Variants in TCF20 observed in about 807,000 individuals in gnomAD.
TCF20 encodes the protein transcription factor 20.
A neutral mutation model predicts 148.6 loss-of-function variants in TCF20; 3 were observed. That is an observed-to-expected ratio of 0.02 (90% CI 0.01 to 0.05). TCF20 has a LOEUF of 0.05. Ranked by LOEUF, TCF20 falls within the 10% of genes least tolerant of loss-of-function variation. The pLI is 1.00. For missense variants in TCF20, 2,350 were observed against 2,429.3 expected (o/e 0.97, Z 0.69); for synonymous variants, 1,049 against 909.5 (o/e 1.15, Z -2.76).
intron 5 of TCF20, among the ~76,000 whole-genome samples, chr22:42,163,762 A>G (rs1410793904): frequency 1.3e-5 from 2 of 152,158 alleles, no homozygotes; most frequent in Non-Finnish European, 2.9e-5. Context: ...GAGCAGCAGG[A>G]GCGACCTGCC....
chr22:42,340,857 A>G (rs1020290319), intron 1 of TCF20, among the ~76,000 whole-genome samples: 4 of 145,620 alleles, frequency 2.7e-5, no homozygotes, highest in African/African-American at 2.5e-5. Context: ...GGGAGGGGAA[A>G]GGGGAGGGGA....
chr22:42,316,007 C>T (rs541429300), intron 1 of TCF20, among the ~76,000 whole-genome samples: 7 of 147,828 alleles, frequency 4.7e-5, no homozygotes, highest in South Asian at 4.4e-4. Flanking sequence ...CCAGGTTACT[C>T]GTTGTCAGGA....
chr22:42,200,731 C>T (rs1164002979), intron 2 of TCF20, among the ~76,000 whole-genome samples: 1 of 151,992 alleles, frequency 6.6e-6, no homozygotes, highest in African/African-American at 2.4e-5. Context: ...GTTTCTACCA[C>T]ATACTCGGTC....
At position 42,161,184 on chromosome 22, in the gene TCF20, GTCTT is replaced by G. The variant is rs537288535; in HGVS notation, c.*215_*218del. On this transcript the variant is annotated 3_prime_UTR_variant, in exon 6 of 6. Transcript: ENST00000677622. ...GGAAACAGCCATTCCAACGTCTTGGGTCTTTCTTTCCTGTGGTGTCACTGGTTTG... is the reference window on the plus strand; with the variant it reads ...GGAAACAGCCATTCCAACGTCTTGGGTCTTTCCTGTGGTGTCACTGGTTTG... 1,158 of 808,140 alleles carry G rather than the reference GTCTT, an allele frequency of 1.4e-3. 1 individual carries two copies. Among genetic ancestry groups the G allele is most frequent in the Non-Finnish European group, 2.0e-3 (1,048 of 516,556 alleles). The allele number at this position is 808,140 out of a possible 1,614,324, so 50.1% of individuals were successfully genotyped here. A position where few individuals can be genotyped will look rare whatever the true frequency, so the allele number is the denominator to read the frequency against.
upstream of TCF20, among the ~76,000 whole-genome samples, chr22:42,271,670 G>T (rs565486425): frequency 1.3e-5 from 2 of 152,310 alleles, no homozygotes; most frequent in South Asian, 4.1e-4. Context: ...TGGGTGAGGA[G>T]AGTTTGGATT....
chr22:42,304,440 C>T (rs1410212921), intron 1 of TCF20, among the ~76,000 whole-genome samples: 2 of 152,180 alleles, frequency 1.3e-5, no homozygotes, highest in African/African-American at 2.4e-5. Context: ...GCCAGCCCCA[C>T]ATCCCCCAGC....
chr22:42,334,218 A>C (rs568811561), intron 1 of TCF20, among the ~76,000 whole-genome samples: 1 of 152,106 alleles, frequency 6.6e-6, no homozygotes, highest in African/African-American at 2.4e-5. Flanking sequence ...AGCTGTCCTC[A>C]CGGCCCTTTA....
intron 1 of TCF20, among the ~76,000 whole-genome samples, chr22:42,334,592 C>A (rs1928033894): frequency 6.6e-6 from 1 of 152,276 alleles, no homozygotes; most frequent in Non-Finnish European, 1.5e-5. Context: ...ACCGCTCCAG[C>A]CCTTACACAC....
Position 42,209,983 on chromosome 22 carries a change from T to G in TCF20, c.5323A>C (p.Lys1775Gln), listed in dbSNP as rs768655264. Residue 1775 changes from lysine to glutamine, a missense_variant, in exon 2 of 6, where the codon AAG becomes CAG. By Grantham distance (53) the Lys-to-Gln change is moderately conservative. Transcript: ENST00000677622. The stretch of plus-strand genomic sequence containing the variant: ...TGTGCGGCCAGGCTTCTCTGCTCCT[T>G]CTGCTGCTGCTGCTGCTCTTCCTCC... ...EEEEEQQQQQ[K>Q]EQRSLAAHPR... The G allele has an allele frequency of 1.2e-6, 2 of 1,613,418 alleles. No individual in the cohort carries two copies. The highest frequency in any genetic ancestry group is 2.2e-5 in the East Asian group (1 of 44,880).
chr22:42,298,569 C>G (rs563208424), intron 1 of TCF20, among the ~76,000 whole-genome samples: 1 of 152,168 alleles, frequency 6.6e-6, no homozygotes, highest in Non-Finnish European at 1.5e-5. Flanking sequence ...TGTCAAGTCT[C>G]GGCACTTCCC....
At chr22:42,242,119 C>T (rs1463623690) in intron 1 of TCF20, among the ~76,000 whole-genome samples, 1 of 146,956 alleles carries the variant, frequency 6.8e-6, no homozygotes, top group Non-Finnish European at 1.5e-5. Context: ...AGAAGAATCA[C>T]TTGAACCCAG....
Position 42,209,761 on chromosome 22 carries a change from T to C in TCF20, c.5545A>G (p.Ser1849Gly). The C allele has an allele frequency of 6.2e-7, 1 of 1,614,188 alleles. No homozygotes were observed. The highest frequency in any genetic ancestry group is 8.5e-7 in the Non-Finnish European group (1 of 1,180,032). Reference protein sequence around the residue: ...ELQIPELPLDSNEFWVHEGCI... With the variant: ...ELQIPELPLDGNEFWVHEGCI... ...CCCTCATGGACCCAAAATTCATTGC[T>C]GTCAAGAGGTAGTTCAGGGATTTGT... Residue 1849 changes from serine to glycine, a missense_variant, in exon 2 of 6, where the codon AGC becomes GGC. By Grantham distance (56) the Ser-to-Gly change is moderately conservative (BLOSUM62 0). Transcript: ENST00000677622.
chr22:42,212,716 T>G lies in TCF20; in HGVS notation c.2590A>C (p.Arg864=), dbSNP rs372103554. 2 of 1,614,124 alleles carry G rather than the reference T, an allele frequency of 1.2e-6. No homozygotes were observed. Among genetic ancestry groups the G allele is most frequent in the African/African-American group, 2.7e-5 (2 of 74,938 alleles). ...HEPGGSLSER[R]SVICDISPLR... Reference sequence around the variant, plus strand: ...GGAGAAATATCACAGATCACTGATCTTCTTTCAGAGAGGGAACCCCCAGGC... The same window carrying G: ...GGAGAAATATCACAGATCACTGATCGTCTTTCAGAGAGGGAACCCCCAGGC... The change falls in exon 2 of 6, where the codon AGA becomes CGA. Residue 864 remains arginine, a synonymous_variant. Transcript: ENST00000677622.
At chr22:42,190,795 T>TGAC (rs879151473) in intron 2 of TCF20, among the ~76,000 whole-genome samples, 1 of 151,662 alleles carries the variant, frequency 6.6e-6, no homozygotes, top group African/African-American at 2.4e-5. Flanking sequence ...ACTTTATTGA[T>TGAC]GTTTAAGTAA....
rs1444464642 is a variant in TCF20, at chr22:42,210,122, A to G, written c.5184T>C (p.Asp1728=). The G allele has an allele frequency of 1.9e-6, 3 of 1,614,120 alleles. No individual in the cohort carries two copies. The highest frequency in any genetic ancestry group is 1.7e-6 in the Non-Finnish European group (2 of 1,180,028). The stretch of plus-strand genomic sequence containing the variant: ...GATTCTTCGGGAGAGTGGCTGCATA[A>G]TCTTGGGGATAAAAAGGTCCAAAGA... The part of the protein sequence containing the change: ...GDLFGPFYPQ[D]YAATLPKNPP... Residue 1728 remains aspartate (D), a synonymous_variant, in exon 2 of 6, where the codon GAT becomes GAC. Transcript: ENST00000677622. The surrounding 1 kb of genome is among the most constrained non-coding windows in gnomAD (Gnocchi z 4.7).
At chr22:42,276,928 A>G (rs557223033) in intron 1 of TCF20, 1 of 152,200 alleles carries the variant, frequency 6.6e-6, no homozygotes, top group African/African-American at 2.4e-5. Flanking sequence ...TGGCGGATTC[A>G]TTACAGTTAT....
At position 42,175,638 on chromosome 22, in the gene TCF20, C is replaced by T. The variant is rs542287283; in HGVS notation, c.5749+3971G>A. ...ACAGGTGTGAGCCACCGTGCCTGGC[C>T]CAACTGGTTAGCTCTTGAAAGAGAA... On this transcript the variant is annotated intron_variant, in intron 3 of 5. Transcript: ENST00000677622. Among the ~76,000 whole-genome samples the T allele has an allele frequency of 2.6e-5, 4 of 151,772 alleles. No homozygotes were observed. The East Asian group carries it at 7.8e-4, about 30-fold the overall frequency.
chr22:42,324,130 G>GTGGTGGTGGTGGTGGAGGTTA, intron 1 of TCF20, among the ~76,000 whole-genome samples: 1 of 93,336 alleles, frequency 1.1e-5, no homozygotes, highest in African/African-American at 5.2e-5. Context: ...GGTTATGGTG[G>GTGGTGGTGGTGGTGGAGGTTA]TGGTGGTGGT....
intron 1 of TCF20, among the ~76,000 whole-genome samples, chr22:42,240,159 T>TC (rs1260790143): frequency 1.3e-5 from 2 of 152,232 alleles, no homozygotes; most frequent in Non-Finnish European, 2.9e-5. Flanking sequence ...AATTATTATT[T>TC]CCATTTTCTA....
Sources: gnomAD v4.1 joint callset for allele counts (sites outside exome capture counted in the v4.1 genomes callset) on GRCh38, gnomAD v4.1.1 for gene constraint, Gnocchi (gnomAD v3.1) non-coding constraint, MANE v1.5 for transcripts, NCBI Gene and HGNC (gene_info 2026-07-23, HGNC 2026-07-21) for gene names.